The following ADAM2 variants were observed in gnomAD, a reference collection of about 807,000 sequenced individuals.
ADAM2 encodes the protein disintegrin and metalloproteinase domain-containing protein 2.
ADAM2 carries 101 observed loss-of-function variants against 99.3 expected under a neutral mutation model. The ratio of observed to expected loss-of-function variants is 1.02; its 90% confidence interval spans 0.87 to 1.20. The LOEUF (loss-of-function observed/expected upper bound fraction) is 1.20, where lower values mean the gene tolerates loss of function less well. Among genes scored for constraint, ADAM2 ranks in the 50% most tolerant of loss-of-function variants. The pLI is 0.00. For missense variants in ADAM2, 948 were observed against 878.7 expected (o/e 1.08, Z -1.00); for synonymous variants, 323 against 287.6 (o/e 1.12, Z -1.25).
Position 39,746,612 on chromosome 8 carries a change from G to A in ADAM2, c.2034C>T (p.Asn678=). 3 of 1,598,142 alleles carry A rather than the reference G, an allele frequency of 1.9e-6. No individual in the cohort carries two copies. The highest frequency in any genetic ancestry group is 2.6e-6 in the Non-Finnish European group (3 of 1,174,972). ...ATCTCATTGGTTTGGAATGGTAAATGTTCTCAATGTAGCGCCTTTCTAGAA... is the reference window on the plus strand; with the variant it reads ...ATCTCATTGGTTTGGAATGGTAAATATTCTCAATGTAGCGCCTTTCTAGAA... The part of the protein sequence containing the change: ...ARLPERRYIE[N]IYHSKPMRWP... The change falls in exon 19 of 21, where the codon AAC becomes AAT. Residue 678 remains asparagine, a synonymous_variant. Transcript: ENST00000265708.
At chr8:39,757,405 G>T (rs899425401) in intron 15 of ADAM2, among the ~76,000 whole-genome samples, 38 of 152,236 alleles carry the variant, frequency 2.5e-4, no homozygotes, top group Non-Finnish European at 3.2e-4. Flanking sequence ...TGTAGATGTG[G>T]CTTTGTTTAA....
intron 16 of ADAM2, among the ~76,000 whole-genome samples, chr8:39,751,661 T>TA (rs556249773): frequency 1.0e-3 from 154 of 152,040 alleles, no homozygotes; most frequent in African/African-American, 3.0e-3. Context: ...TAATATTACA[T>TA]AAAAAAAACA....
At chr8:39,789,685 G>A (rs2129585459) in intron 7 of ADAM2, among the ~76,000 whole-genome samples, 1 of 151,570 alleles carries the variant, frequency 6.6e-6, no homozygotes, top group Admixed American at 6.6e-5. Context: ...AAAATCAAAT[G>A]GAGAAAGATT....
At chr8:39,787,965 C>T in intron 9 of ADAM2, 120 bp downstream of exon 9, 1 of 569,854 alleles carries the variant, frequency 1.8e-6, no homozygotes, top group South Asian at 4.5e-5. Context: ...AAAATATTTA[C>T]ATGGCGTGTG....
intron 12 of ADAM2, 99 bp from the exon 13 acceptor site, chr8:39,767,350 G>A (rs751938788): frequency 1.3e-4 from 134 of 1,013,556 alleles, no homozygotes; most frequent in Non-Finnish European, 1.8e-4. Context: ...ATACACATAG[G>A]TGCTTAACTT....
At position 39,815,977 on chromosome 8, in the gene ADAM2, T is replaced by A. The variant is rs371392152; in HGVS notation, c.513+5025A>T. Among the ~76,000 whole-genome samples, 246 of 151,846 alleles carry A rather than the reference T, an allele frequency of 1.6e-3. 2 individuals are homozygous for A. Among genetic ancestry groups the A allele is most frequent in the African/African-American group, 5.6e-3 (230 of 41,414 alleles). ...CATAATAGGATGGCTATAATCAAAATGACTGGTAATAAATGTTGAAAAAAA... is the reference window on the plus strand; with the variant it reads ...CATAATAGGATGGCTATAATCAAAAAGACTGGTAATAAATGTTGAAAAAAA... On this transcript the variant is annotated intron_variant, in intron 6 of 20. Transcript: ENST00000265708.
chr8:39,752,801 C>A (rs550521393), intron 16 of ADAM2, among the ~76,000 whole-genome samples: 11 of 152,094 alleles, frequency 7.2e-5, no homozygotes, highest in Admixed American at 3.3e-4. Context: ...AAGGGCAGTT[C>A]CCCTGCACAC....
chr8:39,794,856 C>T (rs963634424), intron 7 of ADAM2, among the ~76,000 whole-genome samples: 7 of 152,168 alleles, frequency 4.6e-5, no homozygotes, highest in African/African-American at 9.6e-5. Flanking sequence ...TTCTTTAACT[C>T]GGTGTCTGAG....
intron 7 of ADAM2, among the ~76,000 whole-genome samples, chr8:39,803,144 A>C (rs1335228493): frequency 6.6e-6 from 1 of 152,204 alleles, no homozygotes; most frequent in Non-Finnish European, 1.5e-5. Context: ...CTGAGACTAA[A>C]TAAAAAACTG....
chr8:39,794,209 T>A (rs1803841307), intron 7 of ADAM2, among the ~76,000 whole-genome samples: 1 of 152,190 alleles, frequency 6.6e-6, no homozygotes, highest in South Asian at 2.1e-4. Flanking sequence ...TGTTTGTATG[T>A]CATATGTACA....
intron 7 of ADAM2, among the ~76,000 whole-genome samples, chr8:39,808,302 TC>T (rs1471449842): frequency 6.8e-6 from 1 of 146,692 alleles, no homozygotes; most frequent in African/African-American, 2.5e-5. Flanking sequence ...AAATGAACAA[TC>T]AAAATGAAAA....
chr8:39,796,599 C>T (rs944020175), intron 7 of ADAM2, among the ~76,000 whole-genome samples: 2 of 152,018 alleles, frequency 1.3e-5, no homozygotes, highest in African/African-American at 4.8e-5. Context: ...GGGTTCTAGA[C>T]CCTTGAGGAA....
At chr8:39,812,864 G>A (rs1804763073) in intron 6 of ADAM2, among the ~76,000 whole-genome samples, 1 of 152,098 alleles carries the variant, frequency 6.6e-6, no homozygotes, top group African/African-American at 2.4e-5. Context: ...CATGGGCAAG[G>A]ACTTCAGGAC....
chr8:39,760,962 T>G (rs180920489), intron 15 of ADAM2, among the ~76,000 whole-genome samples: 26 of 150,994 alleles, frequency 1.7e-4, no homozygotes, highest in Non-Finnish European at 3.1e-4. Context: ...GTAATTAATG[T>G]ACCTGTATGA....
chr8:39,776,967 A>G (rs1803013417), intron 11 of ADAM2, 58 bp downstream of exon 11: 1 of 1,093,526 alleles, frequency 9.1e-7, no homozygotes, highest in Non-Finnish European at 1.3e-6. Flanking sequence ...TTCTTCAACT[A>G]AATACATTAA....
intron 9 of ADAM2, among the ~76,000 whole-genome samples, chr8:39,787,557 C>T (rs887200646): frequency 6.8e-5 from 7 of 103,530 alleles, no homozygotes; most frequent in Admixed American, 1.0e-4. Flanking sequence ...TATATATATA[C>T]ACATATATAT....
intron 3 of ADAM2, among the ~76,000 whole-genome samples, chr8:39,832,899 C>T (rs1169019580): frequency 6.6e-6 from 1 of 151,928 alleles, no homozygotes; most frequent in Non-Finnish European, 1.5e-5. Flanking sequence ...ACTGTATATT[C>T]TATACATTTT....
intron 11 of ADAM2, chr8:39,774,612 G>A (rs1406782881): frequency 6.6e-6 from 1 of 151,974 alleles, no homozygotes; most frequent in African/African-American, 2.4e-5. Flanking sequence ...CTAAGGAACA[G>A]GTCCCAACCA....
chr8:39,755,387 A>C (rs1347336964), intron 16 of ADAM2, among the ~76,000 whole-genome samples: 1 of 152,216 alleles, frequency 6.6e-6, no homozygotes, highest in African/African-American at 2.4e-5. Context: ...TTAAGAACAG[A>C]GTCTAGGCCA....
Sources: allele counts gnomAD v4.1 joint callset (sites outside exome capture counted in the v4.1 genomes callset), GRCh38; gene constraint gnomAD v4.1.1; transcripts MANE v1.5; gene names NCBI Gene and HGNC (gene_info 2026-07-23, HGNC 2026-07-21).